Variants in SH3GL2 observed in about 807,000 individuals in gnomAD.
SH3GL2 encodes endophilin-A1.
SH3GL2 carries 24 observed loss-of-function variants against 46.0 expected under a neutral mutation model. The ratio of observed to expected loss-of-function variants is 0.52; its 90% confidence interval spans 0.38 to 0.73. SH3GL2 has a LOEUF of 0.73. SH3GL2 is among the 30% of genes least tolerant of loss of function. The pLI is 0.00. For missense variants in SH3GL2, 413 were observed against 424.2 expected, an observed-to-expected ratio of 0.97 and a Z score of 0.23; for synonymous variants, 196 against 147.1, an observed-to-expected ratio of 1.33 and a Z score of -2.40.
At chr9:17,710,898 T>C (rs1180935695) in intron 1 of SH3GL2, among the ~76,000 whole-genome samples, 1 of 151,926 alleles carries the variant, frequency 6.6e-6, no homozygotes, top group Non-Finnish European at 1.5e-5. Context: ...ATGCTGTATA[T>C]AAATTAGATA....
At chr9:17,678,713 A>C (rs545575978) in intron 1 of SH3GL2, among the ~76,000 whole-genome samples, 1 of 152,310 alleles carries the variant, frequency 6.6e-6, no homozygotes, top group East Asian at 1.9e-4. Context: ...GCCCATGCCC[A>C]TGTCCTGAAT....
chr9:17,724,435 A>G (rs1381326295), intron 1 of SH3GL2, among the ~76,000 whole-genome samples: 1 of 152,036 alleles, frequency 6.6e-6, no homozygotes, highest in Admixed American at 6.6e-5. Context: ...CTTTGGACAT[A>G]TTTAAAATGA....
At chr9:17,625,909 T>C (rs1470785585) in intron 1 of SH3GL2, among the ~76,000 whole-genome samples, 4 of 152,190 alleles carry the variant, frequency 2.6e-5, no homozygotes, top group African/African-American at 7.2e-5. Context: ...ACCCCATGCT[T>C]ACCTCAAGGC....
chr9:17,648,391 A>T (rs1230642485), intron 1 of SH3GL2, among the ~76,000 whole-genome samples: 1 of 152,216 alleles, frequency 6.6e-6, no homozygotes, highest in Non-Finnish European at 1.5e-5. Context: ...TAGGAAGAGT[A>T]AAATGTTGGG....
At chr9:17,670,376 T>C (rs1039842696) in intron 1 of SH3GL2, among the ~76,000 whole-genome samples, 18 of 152,238 alleles carry the variant, frequency 1.2e-4, no homozygotes, top group African/African-American at 4.1e-4. Context: ...GTGCCCTCAC[T>C]ATCTGCCTCA....
chr9:17,695,615 C>CTCTG, intron 1 of SH3GL2, among the ~76,000 whole-genome samples: 2 of 152,202 alleles, frequency 1.3e-5, no homozygotes, highest in East Asian at 3.9e-4. Context: ...TTCTGACTTT[C>CTCTG]TCTGTAAAAA....
intron 1 of SH3GL2, among the ~76,000 whole-genome samples, chr9:17,713,009 T>C (rs538392602): frequency 2.0e-5 from 3 of 151,770 alleles, no homozygotes; most frequent in African/African-American, 7.2e-5. Context: ...ATGTTAGCTA[T>C]ACATTTTTCT....
At chr9:17,632,257 C>G (rs1398214879) in intron 1 of SH3GL2, among the ~76,000 whole-genome samples, 2 of 152,138 alleles carry the variant, frequency 1.3e-5, no homozygotes, top group Non-Finnish European at 2.9e-5. Context: ...CATACAACAA[C>G]CTATCCATGG....
chr9:17,781,673 C>G (rs1478781852), intron 3 of SH3GL2, among the ~76,000 whole-genome samples: 2 of 152,102 alleles, frequency 1.3e-5, no homozygotes, highest in African/African-American at 4.8e-5. Flanking sequence ...ATCCTCCTAC[C>G]AGCAGTATTT....
At chr9:17,746,942 C>A in intron 1 of SH3GL2, 124 bp from the exon 2 acceptor site, 1 of 646,572 alleles carries the variant, frequency 1.5e-6, no homozygotes, top group South Asian at 2.1e-5. Context: ...TGAGACTCTC[C>A]ACCTAAGTCA....
chr9:17,628,398 T>C (rs1588186185), intron 1 of SH3GL2, among the ~76,000 whole-genome samples: 1 of 149,642 alleles, frequency 6.7e-6, no homozygotes, highest in Non-Finnish European at 1.5e-5. Context: ...GATGCCCAGA[T>C]AACTATATCT....
chr9:17,704,478 C>G (rs537042632), intron 1 of SH3GL2, among the ~76,000 whole-genome samples: 1 of 151,708 alleles, frequency 6.6e-6, no homozygotes, highest in Non-Finnish European at 1.5e-5. Context: ...CCTGAATAGA[C>G]AAGGCTAAGC....
intron 2 of SH3GL2, among the ~76,000 whole-genome samples, chr9:17,748,290 T>C (rs997169030): frequency 1.3e-5 from 2 of 152,116 alleles, no homozygotes; most frequent in African/African-American, 4.8e-5. Context: ...GATCTGAGAG[T>C]AGCAATCCTG....
chr9:17,792,609 A>C (rs1303842632), intron 7 of SH3GL2, among the ~76,000 whole-genome samples: 1 of 152,146 alleles, frequency 6.6e-6, no homozygotes, highest in Admixed American at 6.5e-5. Context: ...CATTCTTCTA[A>C]GAGCACACAG....
At chr9:17,579,412 C>G in intron 1 of SH3GL2, 125 bp downstream of exon 1, 1 of 470,712 alleles carries the variant, frequency 2.1e-6, no homozygotes, top group Non-Finnish European at 3.3e-6. Flanking sequence ...GCCGGCCGCG[C>G]CCCGCCTCGC....
At chr9:17,632,684 T>C (rs541451778) in intron 1 of SH3GL2, among the ~76,000 whole-genome samples, 14 of 152,240 alleles carry the variant, frequency 9.2e-5, no homozygotes, top group African/African-American at 2.9e-4. Flanking sequence ...CATTCTGTTT[T>C]ATACTTGTAG....
chr9:17,691,782 T>G (rs1821085433), intron 1 of SH3GL2, among the ~76,000 whole-genome samples: 1 of 152,144 alleles, frequency 6.6e-6, no homozygotes, highest in African/African-American at 2.4e-5. Flanking sequence ...TTCCTGGAAC[T>G]TTGCTCTTTA....
At chr9:17,626,870 A>G (rs1050761339) in intron 1 of SH3GL2, among the ~76,000 whole-genome samples, 2 of 152,142 alleles carry the variant, frequency 1.3e-5, no homozygotes, top group African/African-American at 2.4e-5. Context: ...GTCGAGGAAG[A>G]GGAGGCCTTG....
intron 1 of SH3GL2, among the ~76,000 whole-genome samples, chr9:17,626,846 T>C (rs967275893): frequency 1.3e-5 from 2 of 152,212 alleles, no homozygotes; most frequent in Non-Finnish European, 2.9e-5. Context: ...CTGAGCACTT[T>C]AATTTGTGGA....
Sources: allele counts gnomAD v4.1 joint callset (sites outside exome capture counted in the v4.1 genomes callset), GRCh38; gene constraint gnomAD v4.1.1; transcripts MANE v1.5; gene names NCBI Gene and HGNC (gene_info 2026-07-23, HGNC 2026-07-21).